VWCE: variants seen among roughly 807,000 people sequenced by gnomAD.
The protein encoded by VWCE is von Willebrand factor C and EGF domain-containing protein.
Under a neutral mutation model 102.9 loss-of-function variants are expected in VWCE, and 68 were observed. That is an observed-to-expected ratio of 0.66 (90% CI 0.54 to 0.81). The LOEUF is 0.81. Among genes scored for constraint, VWCE ranks in the 30% least tolerant of loss-of-function variants. The pLI is 0.00. For missense variants in VWCE, 1,137 were observed against 1,263.6 expected (o/e 0.90, Z 1.52); for synonymous variants, 497 against 515.4 (o/e 0.96, Z 0.48).
chr11:61,287,053 C>T (rs1855357246), intron 4 of VWCE, among the ~76,000 whole-genome samples: 1 of 152,006 alleles, frequency 6.6e-6, no homozygotes, highest in Admixed American at 6.6e-5. Context: ...GCCAAGATCG[C>T]ACCACTGCAC....
At chr11:61,270,075 G>A (rs181648728) in intron 14 of VWCE, among the ~76,000 whole-genome samples, 8 of 151,920 alleles carry the variant, frequency 5.3e-5, no homozygotes, top group African/African-American at 1.9e-4. Context: ...CCGCCACCAC[G>A]CCCAGCTAAT....
intron 4 of VWCE, among the ~76,000 whole-genome samples, chr11:61,290,511 CA>C (rs35585461): frequency 0.066 from 3,311 of 50,450 alleles, 105 homozygotes; most frequent in African/African-American, 0.19. Context: ...AACTTCGTCT[CA>C]AAAAAAAAAA....
intron 14 of VWCE, 157 bp downstream of exon 14, chr11:61,271,518 C>A: frequency 3.1e-6 from 2 of 649,606 alleles, no homozygotes; most frequent in South Asian, 1.7e-5. Flanking sequence ...AGGATAAACT[C>A]GGTCCAACCC....
chr11:61,279,821 G>T (rs1286337105), intron 9 of VWCE, among the ~76,000 whole-genome samples: 1 of 152,064 alleles, frequency 6.6e-6, no homozygotes. Context: ...GACCTCCTGA[G>T]CTCAGGTGAT....
intron 12 of VWCE, among the ~76,000 whole-genome samples, chr11:61,273,522 G>A (rs1854803728): frequency 6.6e-6 from 1 of 152,144 alleles, no homozygotes; most frequent in Non-Finnish European, 1.5e-5. Context: ...CTTCAATGGG[G>A]GCTGGGTGTG....
chr11:61,281,632 G>T (rs1272822198), intron 7 of VWCE, among the ~76,000 whole-genome samples, 154 bp downstream of exon 7: 1 of 152,156 alleles, frequency 6.6e-6, no homozygotes, highest in African/African-American at 2.4e-5. Context: ...CGCCAGGTGG[G>T]CGGGGCCGGG....
chr11:61,278,018 T>G (rs112027997), intron 10 of VWCE, among the ~76,000 whole-genome samples: 1,637 of 152,278 alleles, frequency 0.011, 16 homozygotes, highest in African/African-American at 0.035. Flanking sequence ...AAGCTGAGTT[T>G]GGTAATGAGC....
intron 5 of VWCE, among the ~76,000 whole-genome samples, chr11:61,285,887 G>A (rs541540368): frequency 5.9e-5 from 9 of 152,174 alleles, no homozygotes; most frequent in Non-Finnish European, 1.3e-4. Flanking sequence ...CCGAGTAGCT[G>A]GGATTACAGG....
At chr11:61,274,064 C>T (rs749840017) in intron 12 of VWCE, among the ~76,000 whole-genome samples, 1 of 152,144 alleles carries the variant, frequency 6.6e-6, no homozygotes, top group Non-Finnish European at 1.5e-5. Flanking sequence ...TCTCCATGCT[C>T]CAGGCAGAAC....
chr11:61,264,467 G>T lies in VWCE; in HGVS notation c.2230+20C>A, dbSNP rs1172409786. On this transcript the variant is annotated intron_variant, in intron 19 of 19. Transcript: ENST00000335613. ...GGAAGAAGATGGCGGAGAAACTCCA[G>T]GACCCAGAGACCCACTTACCTGGAC... The T allele has an allele frequency of 6.2e-7, 1 of 1,609,994 alleles. No homozygotes were observed.
At chr11:61,262,436 G>A (rs1429334781) in intron 19 of VWCE, among the ~76,000 whole-genome samples, 1 of 152,170 alleles carries the variant, frequency 6.6e-6, no homozygotes, top group East Asian at 1.9e-4. Context: ...AGCCACGCTG[G>A]AACACTCCAT....
chr11:61,292,128 TG>T (rs1855522311), intron 1 of VWCE, among the ~76,000 whole-genome samples: 1 of 150,674 alleles, frequency 6.6e-6, no homozygotes, highest in African/African-American at 2.4e-5. Context: ...GAGGCTGAGG[TG>T]GGAGAATGGC....
rs1855637485 is a variant in VWCE at position 61,295,198 on chromosome 11, G to A, written c.-161C>T. The stretch of plus-strand genomic sequence containing the variant: ...AGCAGGGGGGCTTGGGACGCCGAGA[G>A]GAGGGGCCGAGGGCCGCGAGGGGAC... On this transcript the variant is annotated 5_prime_UTR_variant, in exon 1 of 20. Transcript: ENST00000335613. The surrounding 1 kb of genome is among the most constrained non-coding windows in gnomAD (Gnocchi z 4.6). 2 of 420,074 alleles carry A rather than the reference G, an allele frequency of 4.8e-6. No homozygotes were observed. Among genetic ancestry groups the A allele is most frequent in the Non-Finnish European group, 4.0e-6 (1 of 249,102 alleles). The allele number at this position is 420,074 out of a possible 1,614,324, so 26.0% of individuals were successfully genotyped here. A position where few individuals can be genotyped will look rare whatever the true frequency, so the allele number is the denominator to read the frequency against.
Position 61,280,920 on chromosome 11 carries a change from G to T in VWCE, c.1103C>A (p.Pro368His). The change falls in exon 8 of 20, where the codon CCT becomes CAT. Residue 368 changes from proline (P) to histidine (H), a missense_variant. This residue lies in a region of VWCE where 575 missense variants were observed against 625.9 expected (regional missense o/e 0.92). Transcript: ENST00000335613. ...SLLQGEVMGT[P>H]SSPRGPESPR... is the part of the protein sequence containing the mutation. ...GGACTCAGGGCCCCTGGGTGAGGAA[G>T]GGGTCCCCATCACCTCCCCCTGAAG... 6.5e-7 allele frequency: 1 copy of T among 1,527,426 alleles called. No individual in the cohort carries two copies. The highest frequency in any genetic ancestry group is 2.3e-5 in the East Asian group (1 of 43,994). The allele number at this position is 1,527,426 out of a possible 1,614,324, so 94.6% of individuals were successfully genotyped here. A position where few individuals can be genotyped will look rare whatever the true frequency, so the allele number is the denominator to read the frequency against.
Position 61,280,826 on chromosome 11 carries a change from C to A in VWCE, c.1197G>T (p.Trp399Cys). 6.4e-7 allele frequency: 1 copy of A among 1,564,190 alleles called. No individual in the cohort carries two copies. The highest frequency in any genetic ancestry group is 8.7e-7 in the Non-Finnish European group (1 of 1,155,922). Residue 399 changes from tryptophan to cysteine, a missense_variant, in exon 8 of 20, where the codon TGG becomes TGT. Physicochemically the swap from Trp to Cys is radical, Grantham distance 215. Coordinates refer to ENST00000335613, the MANE Select transcript of VWCE (RefSeq NM_152718.2). The stretch of plus-strand genomic sequence containing the variant: ...AGCACTGGGAACACCCAGGCTCTGT[C>A]CAGCGACTCCTTGATTCATGCATGG... ...LGAMHESRSR[W>C]TEPGCSQCWC...
At chr11:61,264,881 A>G in intron 18 of VWCE, 75 bp downstream of exon 18, 6 of 1,501,974 alleles carry the variant, frequency 4.0e-6, no homozygotes, top group Non-Finnish European at 5.5e-6. Flanking sequence ...AAAGGGCTCC[A>G]TGTTTTGCAA....
intron 1 of VWCE, among the ~76,000 whole-genome samples, chr11:61,293,136 G>A (rs1286821620): frequency 1.3e-5 from 2 of 151,510 alleles, no homozygotes; most frequent in East Asian, 3.9e-4. Context: ...AGCTACTTGG[G>A]AGGGTGAGGT....
At chr11:61,268,877 T>G in intron 15 of VWCE, 45 bp downstream of exon 15, 3 of 1,599,372 alleles carry the variant, frequency 1.9e-6, no homozygotes, top group Non-Finnish European at 2.6e-6. Flanking sequence ...GCCCGATGCC[T>G]GAGATGCCCT....
Position 61,259,943 on chromosome 11 carries a change from C to A in VWCE, c.2231-631G>T, listed in dbSNP as rs115691016. Among the ~76,000 whole-genome samples the A allele has an allele frequency of 4.3e-3, 649 of 152,276 alleles. 4 individuals are homozygous for A. The highest frequency in any genetic ancestry group is 0.013 in the African/African-American group (543 of 41,556). On this transcript the variant is annotated intron_variant, in intron 19 of 19. Transcript: ENST00000335613. ...CTTGACTTACGATGGGGTCACGTCC[C>A]AATAAACCTGTAAATCAAAAATGCA...
Sources: gnomAD v4.1 joint callset for allele counts (sites outside exome capture counted in the v4.1 genomes callset) on GRCh38, gnomAD v4.1.1 for gene constraint, gnomAD v4.1.1 regional missense constraint, Gnocchi (gnomAD v3.1) non-coding constraint, MANE v1.5 for transcripts, NCBI Gene and HGNC (gene_info 2026-07-23, HGNC 2026-07-21) for gene names.